Variants in SNX29 observed in about 807,000 individuals in gnomAD.
SNX29 encodes sorting nexin 29.
Under a neutral mutation model 102.1 loss-of-function variants are expected in SNX29, and 78 were observed. The ratio of observed to expected loss-of-function variants is 0.76; its 90% CI spans 0.64 to 0.92. The LOEUF (loss-of-function observed/expected upper bound fraction) is 0.92. Among genes scored for constraint, SNX29 ranks in the 40% least tolerant of loss-of-function variants. The probability of loss-of-function intolerance (pLI) is 0.00; values close to 1 mark genes in which losing one functional copy is unlikely to be tolerated. For synonymous variants in SNX29, 580 were observed against 414.5 expected (o/e 1.40, Z -4.85); for missense variants, 1,280 against 1,061.7 (o/e 1.21, Z -2.86).
chr16:12,556,789 C>A (rs1181824429), intron 20 of SNX29, among the ~76,000 whole-genome samples: 1 of 152,082 alleles, frequency 6.6e-6, no homozygotes, highest in Non-Finnish European at 1.5e-5. Context: ...TTGGAGTCAA[C>A]AGTTGCCCCC....
chr16:12,106,700 A>G (rs1214250055), intron 11 of SNX29, among the ~76,000 whole-genome samples: 7 of 143,180 alleles, frequency 4.9e-5, no homozygotes, highest in African/African-American at 1.3e-4. Context: ...AGGCTTATCT[A>G]TGACTCCTGG....
intron 13 of SNX29, among the ~76,000 whole-genome samples, chr16:12,140,055 C>A (rs2054816370): frequency 6.6e-6 from 1 of 151,424 alleles, no homozygotes; most frequent in South Asian, 2.1e-4. Flanking sequence ...AGAAACCCAC[C>A]CTAAACTGCC....
In SNX29 at chr16:12,278,119, A is replaced by G. The variant is rs1037111307; in HGVS notation, c.1782+83A>G. 63 of 1,242,734 alleles carry G rather than the reference A, an allele frequency of 5.1e-5. No individual in the cohort carries two copies. The African/African-American group carries it at 6.8e-4, about 13-fold the overall frequency. 77.0% of individuals were successfully genotyped at this position (1,242,734 alleles called of 1,614,324 possible). On this transcript the variant is annotated intron_variant, in intron 15 of 20. Transcript: ENST00000566228. ...TCCAGGGTAGGTCCAGCCTATTCTA[A>G]AGACACGTGAGCAAAACGACCAAGC... is the stretch of plus-strand genomic sequence containing the variant.
chr16:12,464,767 G>T (rs7200477), intron 18 of SNX29, among the ~76,000 whole-genome samples: 12,112 of 152,256 alleles, frequency 0.08, 748 homozygotes, highest in African/African-American at 0.16. Context: ...ATTTTCTTTA[G>T]ATATATATCC....
At chr16:12,093,352 G>A (rs776265537) in intron 11 of SNX29, among the ~76,000 whole-genome samples, 11 of 152,326 alleles carry the variant, frequency 7.2e-5, no homozygotes, top group Admixed American at 1.3e-4. Context: ...GTTCCTGGCT[G>A]TAATCCCAAC....
At chr16:11,988,994 A>G (rs2055740044) in intron 1 of SNX29, among the ~76,000 whole-genome samples, 1 of 150,026 alleles carries the variant, frequency 6.7e-6, no homozygotes, top group Non-Finnish European at 1.5e-5. Flanking sequence ...TTTTTTTGAG[A>G]TGGAGTCACA....
chr16:12,547,620 A>C (rs775206802), intron 20 of SNX29, among the ~76,000 whole-genome samples: 3 of 151,978 alleles, frequency 2.0e-5, no homozygotes, highest in Non-Finnish European at 2.9e-5. Flanking sequence ...CAGCACCACT[A>C]AGCTGTCCCA....
chr16:12,078,205 TG>T (rs947454345), intron 10 of SNX29, among the ~76,000 whole-genome samples: 1 of 151,476 alleles, frequency 6.6e-6, no homozygotes, highest in African/African-American at 2.4e-5. Context: ...CCGGGTGTGG[TG>T]GGTCATGCCT....
intron 19 of SNX29, among the ~76,000 whole-genome samples, chr16:12,523,802 C>G (rs1002762166): frequency 6.6e-6 from 1 of 152,186 alleles, no homozygotes; most frequent in African/African-American, 2.4e-5. Flanking sequence ...GACCTGGGGA[C>G]CTGTGCCTGC....
At chr16:12,243,359 T>G (rs927903533) in intron 14 of SNX29, among the ~76,000 whole-genome samples, 3 of 152,258 alleles carry the variant, frequency 2.0e-5, no homozygotes, top group Non-Finnish European at 4.4e-5. Context: ...GCCACTTTTG[T>G]TCTGCTGCCC....
rs981869964 is a variant in SNX29, at chr16:12,572,490, C to A, written c.*3861C>A. The A allele has an allele frequency of 1.9e-6, 2 of 1,063,880 alleles. No individual in the cohort carries two copies. Among genetic ancestry groups the A allele is most frequent in the Non-Finnish European group, 2.3e-6 (2 of 878,456 alleles). 65.9% of individuals were successfully genotyped at this position (1,063,880 alleles called of 1,614,324 possible). A position where few individuals can be genotyped will look rare whatever the true frequency, so the allele number is the denominator to read the frequency against. ...ACCCTGAGGACCAGTTCTTGGGGTT[C>A]CAGGCCTCGGCCTTCCTGCTCCACG... On this transcript the variant is annotated 3_prime_UTR_variant, in exon 21 of 21. Coordinates refer to ENST00000566228, the MANE Select transcript of SNX29 (RefSeq NM_032167.5).
intron 4 of SNX29, among the ~76,000 whole-genome samples, chr16:12,032,200 CTTCTTTT>C (rs1160901214): frequency 7.1e-5 from 10 of 141,340 alleles, no homozygotes; most frequent in African/African-American, 1.6e-4. Context: ...TCTTCTTCTT[CTTCTTTT>C]TTTTTTTTTT....
At chr16:12,231,980 TTG>T (rs1177285345) in intron 14 of SNX29, among the ~76,000 whole-genome samples, 1 of 152,242 alleles carries the variant, frequency 6.6e-6, no homozygotes, top group Non-Finnish European at 1.5e-5. Context: ...ATGTGAGGAC[TTG>T]GTATCAATAA....
chr16:12,320,024 C>G (rs2080879246), intron 15 of SNX29, among the ~76,000 whole-genome samples: 1 of 152,192 alleles, frequency 6.6e-6, no homozygotes, highest in Non-Finnish European at 1.5e-5. Flanking sequence ...CATCTCGTCA[C>G]TGGTCTCCCT....
chr16:12,064,539 C>T (rs886400520), intron 9 of SNX29, among the ~76,000 whole-genome samples: 3 of 152,256 alleles, frequency 2.0e-5, no homozygotes, highest in African/African-American at 4.8e-5. Flanking sequence ...TCTGCAGTAA[C>T]GATGCTGTCA....
intron 20 of SNX29, among the ~76,000 whole-genome samples, chr16:12,537,193 C>A (rs1160752556): frequency 1.3e-5 from 2 of 152,116 alleles, no homozygotes; most frequent in Non-Finnish European, 2.9e-5. Flanking sequence ...CCTGGCCAGC[C>A]CCTAAATTGC....
At chr16:12,028,403 G>T (rs1205181463) in intron 4 of SNX29, among the ~76,000 whole-genome samples, 1 of 151,764 alleles carries the variant, frequency 6.6e-6, no homozygotes, top group Non-Finnish European at 1.5e-5. Flanking sequence ...TTGCTCTGTT[G>T]CCCAGGCTGA....
intron 3 of SNX29, among the ~76,000 whole-genome samples, chr16:12,016,529 C>G (rs2056854175): frequency 6.6e-6 from 1 of 152,116 alleles, no homozygotes; most frequent in African/African-American, 2.4e-5. Flanking sequence ...ATTTTGCGTT[C>G]CCACCAGTAG....
chr16:12,573,040 A>T lies in SNX29; in HGVS notation c.*4411A>T, dbSNP rs1221934932. The T allele has an allele frequency of 4.1e-6, 1 of 244,162 alleles. No homozygotes were observed. Among genetic ancestry groups the T allele is most frequent in the Non-Finnish European group, 7.7e-6 (1 of 129,036 alleles). The allele number at this position is 244,162 out of a possible 1,614,324, so 15.1% of individuals were successfully genotyped here. A position where few individuals can be genotyped will look rare whatever the true frequency, so the allele number is the denominator to read the frequency against. On this transcript the variant is annotated 3_prime_UTR_variant, in exon 21 of 21. Coordinates refer to ENST00000566228, the MANE Select transcript of SNX29 (RefSeq NM_032167.5). ...TGTTTTTAGATTGGCGTCCGTGCTA[A>T]TTCTGCAGTTGTAGCACTGTATATT...
Sources: gnomAD v4.1 joint callset for allele counts (sites outside exome capture counted in the v4.1 genomes callset) on GRCh38, gnomAD v4.1.1 for gene constraint, MANE v1.5 for transcripts, NCBI Gene and HGNC (gene_info 2026-07-23, HGNC 2026-07-21) for gene names.